The following SPOCK1 variants were observed in gnomAD, a reference collection of about 807,000 sequenced individuals.
SPOCK1 encodes SPARC (osteonectin), cwcv and kazal like domains proteoglycan 1.
Under a neutral mutation model 55.3 loss-of-function variants are expected in SPOCK1, and 23 were observed. The observed-to-expected ratio is 0.42, with a 90% CI of 0.30 to 0.59. SPOCK1 has a LOEUF of 0.59. Among genes scored for constraint, SPOCK1 ranks in the 20% least tolerant of loss-of-function variants. The probability of loss-of-function intolerance (pLI) is 0.22; values close to 1 mark genes in which losing one functional copy is unlikely to be tolerated. For synonymous variants in SPOCK1, 226 were observed against 221.0 expected (o/e 1.02, Z -0.20); for missense variants, 499 against 552.5 (o/e 0.90, Z 0.97).
intron 6 of SPOCK1, among the ~76,000 whole-genome samples, chr5:137,027,874 G>T (rs1751707159): frequency 6.6e-6 from 1 of 152,192 alleles, no homozygotes. Flanking sequence ...TGAAAAGCCT[G>T]CTGGGCAAGG....
chr5:137,241,137 A>G (rs1756272474), intron 3 of SPOCK1, among the ~76,000 whole-genome samples: 1 of 152,218 alleles, frequency 6.6e-6, no homozygotes, highest in African/African-American at 2.4e-5. Flanking sequence ...AATTTAAAAA[A>G]TAATGGGAGA....
chr5:137,172,481 A>G (rs995179450), intron 3 of SPOCK1, among the ~76,000 whole-genome samples: 7 of 152,130 alleles, frequency 4.6e-5, no homozygotes, highest in African/African-American at 1.7e-4. Context: ...CAGGAAGATG[A>G]GCTCTCTGTG....
At chr5:137,398,457 C>T (rs1415889478) in intron 2 of SPOCK1, among the ~76,000 whole-genome samples, 1 of 152,140 alleles carries the variant, frequency 6.6e-6, no homozygotes. Context: ...GGATCATTAA[C>T]TTATATGGTT....
intron 5 of SPOCK1, among the ~76,000 whole-genome samples, chr5:137,072,013 A>G (rs1211910238): frequency 6.6e-6 from 1 of 152,158 alleles, no homozygotes; most frequent in Non-Finnish European, 1.5e-5. Flanking sequence ...TTAAAAAGAG[A>G]GAGACTCTAA....
intron 5 of SPOCK1, among the ~76,000 whole-genome samples, chr5:137,099,570 A>ATG (rs758856327): frequency 4.3e-4 from 45 of 105,050 alleles, no homozygotes; most frequent in Non-Finnish European, 7.0e-4. Context: ...AAAAATATAT[A>ATG]TGTGTGTGTA....
intron 3 of SPOCK1, among the ~76,000 whole-genome samples, chr5:137,177,234 C>T (rs978791235): frequency 3.3e-5 from 5 of 152,146 alleles, no homozygotes; most frequent in African/African-American, 9.7e-5. Context: ...AAATCTACCA[C>T]GTGAAGTTAA....
At chr5:137,408,506 A>G (rs779848058) in intron 2 of SPOCK1, among the ~76,000 whole-genome samples, 1 of 152,180 alleles carries the variant, frequency 6.6e-6, no homozygotes, top group African/African-American at 2.4e-5. Context: ...GAAACACATC[A>G]GTTCTTGCCC....
At chr5:137,386,176 G>C (rs925122061) in intron 2 of SPOCK1, among the ~76,000 whole-genome samples, 1 of 152,114 alleles carries the variant, frequency 6.6e-6, no homozygotes, top group Non-Finnish European at 1.5e-5. Context: ...TCTTAAAAAA[G>C]TACAAGATCT....
At chr5:137,289,010 G>T (rs1468880118) in intron 2 of SPOCK1, among the ~76,000 whole-genome samples, 1 of 152,216 alleles carries the variant, frequency 6.6e-6, no homozygotes, top group African/African-American at 2.4e-5. Context: ...GTAGAGTACT[G>T]AGCTATGGGG....
intron 2 of SPOCK1, among the ~76,000 whole-genome samples, chr5:137,442,943 G>A (rs1753047026): frequency 6.6e-6 from 1 of 152,180 alleles, no homozygotes; most frequent in Non-Finnish European, 1.5e-5. Context: ...AGCCCAGTGG[G>A]CCTCCCTCTC....
chr5:137,177,587 G>A (rs1209866422), intron 3 of SPOCK1, among the ~76,000 whole-genome samples: 1 of 152,026 alleles, frequency 6.6e-6, no homozygotes, highest in Non-Finnish European at 1.5e-5. Flanking sequence ...AGGTTGGGGG[G>A]TGCTTGGAAA....
intron 2 of SPOCK1, among the ~76,000 whole-genome samples, chr5:137,347,810 C>T (rs141295413): frequency 5.9e-5 from 9 of 152,320 alleles, no homozygotes; most frequent in African/African-American, 1.7e-4. Context: ...GCCACGCCTC[C>T]TCTGGCACAG....
intron 2 of SPOCK1, among the ~76,000 whole-genome samples, chr5:137,421,063 T>C (rs1196685446): frequency 4.6e-5 from 7 of 152,370 alleles, no homozygotes; most frequent in Non-Finnish European, 7.3e-5. Context: ...TACCCAGTAG[T>C]CATTCAGGAG....
chr5:137,135,707 A>G (rs1363047449), intron 4 of SPOCK1, among the ~76,000 whole-genome samples: 2 of 152,178 alleles, frequency 1.3e-5, no homozygotes, highest in African/African-American at 4.8e-5. Flanking sequence ...ATTCTCTACA[A>G]TTTCAAGTAA....
At chr5:137,200,533 T>C (rs1157316840) in intron 3 of SPOCK1, among the ~76,000 whole-genome samples, 1 of 152,228 alleles carries the variant, frequency 6.6e-6, no homozygotes, top group African/African-American at 2.4e-5. Context: ...TTCCTGTCGG[T>C]TTACTGTTGC....
At chr5:137,482,810 G>T (rs1329075971) in intron 2 of SPOCK1, among the ~76,000 whole-genome samples, 2 of 152,190 alleles carry the variant, frequency 1.3e-5, no homozygotes, top group Non-Finnish European at 2.9e-5. Context: ...GAGACTGTCA[G>T]TTCTCTTGGG....
chr5:137,262,566 G>A (rs540480274), intron 3 of SPOCK1, among the ~76,000 whole-genome samples: 1 of 152,358 alleles, frequency 6.6e-6, no homozygotes, highest in Non-Finnish European at 1.5e-5. Flanking sequence ...GTCTTCCTTA[G>A]TGTTGTCCCT....
intron 6 of SPOCK1, among the ~76,000 whole-genome samples, chr5:136,994,483 G>C (rs1396501821): frequency 6.6e-6 from 1 of 151,998 alleles, no homozygotes; most frequent in African/African-American, 2.4e-5. Flanking sequence ...TGTATATAAA[G>C]TTCTTAGCAA....
At chr5:137,411,172 A>C (rs1752202143) in intron 2 of SPOCK1, among the ~76,000 whole-genome samples, 1 of 152,162 alleles carries the variant, frequency 6.6e-6, no homozygotes, top group Admixed American at 6.5e-5. Flanking sequence ...AATACAATGG[A>C]GTAGGGTGCA....
Sources: allele counts gnomAD v4.1 joint callset (sites outside exome capture counted in the v4.1 genomes callset), GRCh38; gene constraint gnomAD v4.1.1; transcripts MANE v1.5; gene names NCBI Gene and HGNC (gene_info 2026-07-23, HGNC 2026-07-21).